EP400: variants seen among roughly 807,000 people sequenced by gnomAD.
EP400 encodes E1A binding protein p400.
In EP400, 105 loss-of-function variants were observed where a neutral mutation model predicts 354.1. The ratio of observed to expected loss-of-function variants is 0.30; its 90% CI spans 0.25 to 0.35. The LOEUF (loss-of-function observed/expected upper bound fraction) is 0.35, where lower values mean the gene tolerates loss of function less well. EP400 is among the 10% of genes least tolerant of loss of function. The pLI is 1.00. For synonymous variants in EP400, 1,646 were observed against 1,716.9 expected, an observed-to-expected ratio of 0.96 and a Z score of 1.02; for missense variants, 3,280 against 4,121.0, an observed-to-expected ratio of 0.80 and a Z score of 5.59.
Position 132,013,275 on chromosome 12 carries a change from C to T in EP400, c.3611+97C>T, listed in dbSNP as rs1285419009. On this transcript the variant is annotated intron_variant, in intron 17 of 52. Coordinates refer to ENST00000389561, the MANE Select transcript of EP400 (RefSeq NM_015409.5). This position sits in a 1 kb window ranked among gnomAD's most constrained non-coding sequence, Gnocchi z 4.5. ...CATAATTGCAGACACAAACAATGGC[C>T]TTTGAGCTAGAGAATTGCTTTTCAT... is the stretch of plus-strand genomic sequence containing the variant. 6.8e-7 allele frequency: 1 copy of T among 1,469,820 alleles called. No homozygotes were observed. Among genetic ancestry groups the T allele is most frequent in the Non-Finnish European group, 9.1e-7 (1 of 1,101,250 alleles). 91.0% of individuals were successfully genotyped at this position (1,469,820 alleles called of 1,614,324 possible).
intron 29 of EP400, 52 bp from the exon 30 acceptor site, chr12:132,031,901 G>T: frequency 6.5e-7 from 1 of 1,538,908 alleles, no homozygotes; most frequent in Non-Finnish European, 8.8e-7. Context: ...CGTGTCAAAG[G>T]TTTCCCAACA....
chr12:132,011,731 G>T, intron 16 of EP400, 97 bp downstream of exon 16: 1 of 1,382,020 alleles, frequency 7.2e-7, no homozygotes, highest in Non-Finnish European at 9.7e-7. Context: ...CTTATTCATG[G>T]AATTATTAAA....
chr12:131,990,863 G>T lies in EP400; in HGVS notation c.2629+149G>T. On this transcript the variant is annotated intron_variant, in intron 9 of 52. Transcript: ENST00000389561. This position sits in a 1 kb window ranked among gnomAD's most constrained non-coding sequence, Gnocchi z 4.2. ...CTGATTGTTACATTTCTCTTTGTGT[G>T]GCCATCCTAGTTTTATGCTTCAGTG... is the stretch of plus-strand genomic sequence containing the variant. The T allele has an allele frequency of 1.6e-6, 1 of 643,228 alleles. No homozygotes were observed. The allele number at this position is 643,228 out of a possible 1,614,324, so 39.8% of individuals were successfully genotyped here. A position where few individuals can be genotyped will look rare whatever the true frequency, so the allele number is the denominator to read the frequency against.
Position 132,078,034 on chromosome 12 carries a change from C to T in EP400, c.*361C>T, listed in dbSNP as rs1012954625. On this transcript the variant is annotated 3_prime_UTR_variant, in exon 53 of 53. Coordinates refer to ENST00000389561, the MANE Select transcript of EP400 (RefSeq NM_015409.5). Reference sequence around the variant, plus strand: ...GTAGTGCTTTGCACGCCACAGAAGCCGTCTGCCGTGTGTGAGGAGCATACA... The same window carrying T: ...GTAGTGCTTTGCACGCCACAGAAGCTGTCTGCCGTGTGTGAGGAGCATACA... 22 of 226,682 alleles carry T rather than the reference C, an allele frequency of 9.7e-5. No homozygotes were observed. The highest frequency in any genetic ancestry group is 5.1e-5 in the Admixed American group (1 of 19,596). 14.0% of individuals were successfully genotyped at this position (226,682 alleles called of 1,614,324 possible).
At chr12:132,046,864 C>T (rs1386445756) in intron 39 of EP400, among the ~76,000 whole-genome samples, 1 of 152,260 alleles carries the variant, frequency 6.6e-6, no homozygotes, top group Non-Finnish European at 1.5e-5. Context: ...GGTGTGCTGC[C>T]TGACTTCCAG....
rs753428059 is a variant in EP400, at chr12:132,043,410, C to G, written c.6314C>G (p.Pro2105Arg). The G allele has an allele frequency of 1.2e-6, 2 of 1,613,560 alleles. No individual in the cohort carries two copies. The highest frequency in any genetic ancestry group is 2.2e-5 in the South Asian group (2 of 91,040). Residue 2105 changes from proline (P) to arginine (R), a missense_variant, in exon 33 of 53, where the codon CCG becomes CGG. Physicochemically the swap from Pro to Arg is moderately radical, Grantham distance 103 (BLOSUM62 -2). This residue lies in a region of EP400 where 54 missense variants were observed against 41.3 expected (regional missense o/e 1.31). Coordinates refer to ENST00000389561, the MANE Select transcript of EP400 (RefSeq NM_015409.5). The part of the protein sequence containing the change: ...DALSSDSENM[P>R]CDEEPSQLEE... ...CTGTCATCAGACTCTGAGAACATGC[C>G]GTGTGATGAAGAACCATCCCAATTA...
rs1893139285 is a variant in EP400, at chr12:131,994,415, G to C, written c.2738-452G>C. The stretch of plus-strand genomic sequence containing the variant: ...ATCTCTATGGCGAGTGAGGCGTGAG[G>C]TTCAGGGCTGGAGGGCTGAAGAGAG... On this transcript the variant is annotated intron_variant, in intron 11 of 52. Coordinates refer to ENST00000389561, the MANE Select transcript of EP400 (RefSeq NM_015409.5). The surrounding 1 kb of genome is among the most constrained non-coding windows in gnomAD (Gnocchi z 4.6). Among the ~76,000 whole-genome samples, 1 of 152,176 alleles carries C rather than the reference G, an allele frequency of 6.6e-6. No homozygotes were observed. The highest frequency in any genetic ancestry group is 1.5e-5 in the Non-Finnish European group (1 of 68,036).
intron 51 of EP400, 131 bp downstream of exon 51, chr12:132,069,772 G>T: frequency 1.1e-5 from 15 of 1,367,880 alleles, no homozygotes; most frequent in Non-Finnish European, 1.4e-5. Context: ...GGGAAGTGTT[G>T]TCTCCTGGCC....
intron 48 of EP400, chr12:132,065,775 G>C (rs2136612657): frequency 6.6e-6 from 1 of 152,354 alleles, no homozygotes; most frequent in South Asian, 2.1e-4. Context: ...AGGGTGCTTG[G>C]TTTCATTCAT....
Position 132,045,837 on chromosome 12 carries a change from C to T in EP400, c.7137C>T (p.Tyr2379=), listed in dbSNP as rs145640824. The T allele has an allele frequency of 2.5e-5, 40 of 1,614,100 alleles. No individual in the cohort carries two copies. The African/African-American group carries it at 4.7e-4, about 19-fold the overall frequency. ...SDVVNSCSRI[Y]RSSKQCRNRY... is the part of the protein sequence containing the mutation. ...TTGTTAACTCCTGTAGCCGAATCTACCGCTCTTCCAAACAGTGCCGGAATC... is the reference window on the plus strand; with the variant it reads ...TTGTTAACTCCTGTAGCCGAATCTATCGCTCTTCCAAACAGTGCCGGAATC... The change falls in exon 39 of 53, where the codon TAC becomes TAT. Residue 2379 remains tyrosine, a synonymous_variant. Transcript: ENST00000389561.
chr12:132,018,476 AG>A lies in EP400; in HGVS notation c.4277+102del. 1 of 1,465,328 alleles carries A rather than the reference AG, an allele frequency of 6.8e-7. No individual in the cohort carries two copies. Among genetic ancestry groups the A allele is most frequent in the South Asian group, 1.4e-5 (1 of 70,502 alleles). The allele number at this position is 1,465,328 out of a possible 1,614,324, so 90.8% of individuals were successfully genotyped here. A position where few individuals can be genotyped will look rare whatever the true frequency, so the allele number is the denominator to read the frequency against. On this transcript the variant is annotated intron_variant, in intron 21 of 52. Transcript: ENST00000389561. This position sits in a 1 kb window ranked among gnomAD's most constrained non-coding sequence, Gnocchi z 4.0. ...GAAAAGAAAGGCTGCTAATGTAGTT[AG>A]GTTATCTGCTGCTCTTGGGACCTTG...
chr12:132,011,078 C>T (rs949236891), intron 15 of EP400, among the ~76,000 whole-genome samples: 3 of 152,206 alleles, frequency 2.0e-5, no homozygotes, highest in Non-Finnish European at 2.9e-5. Context: ...ACAGTTTAGA[C>T]GCCTGCTGTG....
chr12:132,077,354 GAC>G (rs1476358709), intron 52 of EP400, 45 bp from the exon 53 acceptor site: 17 of 1,580,912 alleles, frequency 1.1e-5, no homozygotes, highest in Non-Finnish European at 1.4e-5. Flanking sequence ...CCTGTCCCTG[GAC>G]TGAGTTTCCT....
At chr12:131,952,935 T>G (rs1341015330) in intron 1 of EP400, among the ~76,000 whole-genome samples, 1 of 152,164 alleles carries the variant, frequency 6.6e-6, no homozygotes. Flanking sequence ...TAGAGCTCGT[T>G]AAGAGTTCCT....
intron 45 of EP400, among the ~76,000 whole-genome samples, chr12:132,060,675 T>C (rs1035415677): frequency 3.9e-5 from 6 of 152,126 alleles, no homozygotes; most frequent in Non-Finnish European, 7.4e-5. Context: ...CCCAGCACTT[T>C]GGGAGGCCGA....
chr12:132,060,244 A>G (rs1187918639), intron 45 of EP400, among the ~76,000 whole-genome samples: 2 of 152,164 alleles, frequency 1.3e-5, no homozygotes, highest in Admixed American at 6.5e-5. Context: ...GACATCCTAC[A>G]CACAACATGG....
chr12:132,045,099 G>A (rs1284883270), intron 37 of EP400, 146 bp downstream of exon 37: 2 of 1,363,882 alleles, frequency 1.5e-6, no homozygotes, highest in African/African-American at 2.9e-5. Flanking sequence ...CTGCCTCTCA[G>A]GCCATGTGCA....
chr12:132,018,393 G>A lies in EP400; in HGVS notation c.4277+17G>A. On this transcript the variant is annotated intron_variant, in intron 21 of 52. Transcript: ENST00000389561. This position sits in a 1 kb window ranked among gnomAD's most constrained non-coding sequence, Gnocchi z 4.0. ...GGCCAGCAGGTGCGTGCGACCCAGA[G>A]GCAGCGGGGAGGGTTGGCTCCCAGG... The A allele has an allele frequency of 1.3e-6, 2 of 1,584,538 alleles. No individual in the cohort carries two copies. Among genetic ancestry groups the A allele is most frequent in the South Asian group, 2.3e-5 (2 of 86,944 alleles).
intron 6 of EP400, 21 bp downstream of exon 6, chr12:131,986,828 T>A (rs560421226): frequency 6.3e-7 from 1 of 1,579,564 alleles, no homozygotes; most frequent in South Asian, 1.2e-5. Flanking sequence ...TTAAGAAAGT[T>A]GTAAAATGTA....
Sources: allele counts gnomAD v4.1 joint callset (sites outside exome capture counted in the v4.1 genomes callset), GRCh38; gene constraint gnomAD v4.1.1; regional missense constraint gnomAD v4.1.1; non-coding constraint Gnocchi (gnomAD v3.1); transcripts MANE v1.5; gene names NCBI Gene and HGNC (gene_info 2026-07-23, HGNC 2026-07-21).